Variants in EPHA6 observed in about 807,000 individuals in gnomAD.
EPHA6 encodes the protein EPH receptor A6, also known as ephrin type-A receptor 6.
A neutral mutation model predicts 112.0 loss-of-function variants in EPHA6; 50 were observed. That is an observed-to-expected ratio of 0.45 (90% CI 0.36 to 0.56). EPHA6 has a LOEUF of 0.56. Ranked by LOEUF, EPHA6 falls within the 20% of genes least tolerant of loss-of-function variation. The pLI is 0.00. For synonymous variants in EPHA6, 529 were observed against 490.7 expected (o/e 1.08, Z -1.03); for missense variants, 1,280 against 1,417.4 (o/e 0.90, Z 1.56).
At position 97,363,237 on chromosome 3, in the gene EPHA6, T is replaced by A. The variant is rs779707627; in HGVS notation, c.1607-41913T>A. On this transcript the variant is annotated intron_variant, in intron 5 of 17. Coordinates refer to ENST00000389672, the MANE Select transcript of EPHA6 (RefSeq NM_001080448.3). ...ATATATATATATATATATATATATA[T>A]AAATCTCAGATGCTACAAAAACTAA... Among the ~76,000 whole-genome samples, 18 of 58,014 alleles carry A rather than the reference T, an allele frequency of 3.1e-4. 1 individual carries two copies. Among genetic ancestry groups the A allele is most frequent in the African/African-American group, 7.6e-4 (8 of 10,478 alleles). The allele number at this position is 58,014 out of a possible 152,430, so 38.1% of individuals were successfully genotyped here.
chr3:97,188,896 A>G (rs188473156), intron 3 of EPHA6, among the ~76,000 whole-genome samples: 6 of 152,122 alleles, frequency 3.9e-5, no homozygotes, highest in Admixed American at 3.3e-4. Context: ...AACAGTGGCT[A>G]CTGAAGATGA....
At chr3:97,661,234 A>G (rs927525889) in intron 14 of EPHA6, among the ~76,000 whole-genome samples, 1 of 152,150 alleles carries the variant, frequency 6.6e-6, no homozygotes, top group African/African-American at 2.4e-5. Context: ...TACATTATCA[A>G]GACAATTTCA....
chr3:96,819,872 G>A (rs2033114516), intron 1 of EPHA6, among the ~76,000 whole-genome samples: 1 of 151,942 alleles, frequency 6.6e-6, no homozygotes, highest in South Asian at 2.1e-4. Context: ...ATGATATTTG[G>A]GTAAGTAAAT....
At chr3:96,839,330 A>G (rs1242701152) in intron 1 of EPHA6, among the ~76,000 whole-genome samples, 1 of 152,020 alleles carries the variant, frequency 6.6e-6, no homozygotes, top group African/African-American at 2.4e-5. Flanking sequence ...TGAACTACAC[A>G]TGTGAGGGAT....
At chr3:96,969,315 A>G (rs939523809) in intron 2 of EPHA6, among the ~76,000 whole-genome samples, 2 of 151,900 alleles carry the variant, frequency 1.3e-5, no homozygotes, top group Non-Finnish European at 2.9e-5. Flanking sequence ...CTGGCACCCT[A>G]TAATTTCTAC....
rs367742024 is a variant in EPHA6 at position 97,484,036 on chromosome 3, G to A, written c.2177G>A (p.Arg726His). ...FAKEIDPSRI[R>H]IERVIGAGEF... ...AAGGAGATTGATCCCTCAAGAATTC[G>A]TATTGAGAGAGTCATTGGGGCAGGT... Residue 726 changes from arginine (R) to histidine (H), a missense_variant, in exon 10 of 18, where the codon CGT (arginine) becomes CAT (histidine). Arg to His is a conservative substitution (Grantham distance 29, BLOSUM62 0). Around this residue, in one of 4 missense-constraint regions of EPHA6, gnomAD observed 878 missense variants for 999.7 expected, o/e 0.88. Transcript: ENST00000389672. 2.2e-5 allele frequency: 35 copies of A among 1,606,610 alleles called. No homozygotes were observed. The highest frequency in any genetic ancestry group is 2.2e-5 in the South Asian group (2 of 89,086).
At chr3:96,997,967 T>C (rs1190672266) in intron 3 of EPHA6, among the ~76,000 whole-genome samples, 2 of 152,044 alleles carry the variant, frequency 1.3e-5, no homozygotes, top group Non-Finnish European at 2.9e-5. Context: ...TTTGTCATGA[T>C]TTATAAAATA....
At chr3:97,383,758 A>C (rs2085892777) in intron 5 of EPHA6, among the ~76,000 whole-genome samples, 1 of 152,152 alleles carries the variant, frequency 6.6e-6, no homozygotes, top group Admixed American at 6.6e-5. Flanking sequence ...TAGGAAGTAA[A>C]GTAGAACATT....
At chr3:97,733,860 T>C (rs752969123) in intron 15 of EPHA6, among the ~76,000 whole-genome samples, 2 of 152,068 alleles carry the variant, frequency 1.3e-5, no homozygotes, top group African/African-American at 2.4e-5. Flanking sequence ...GATAGCATGG[T>C]AATCACTACT....
chr3:97,368,125 C>A (rs976365646), intron 5 of EPHA6, among the ~76,000 whole-genome samples: 8 of 152,104 alleles, frequency 5.3e-5, no homozygotes, highest in African/African-American at 1.9e-4. Context: ...GCAAGCCTTT[C>A]CCTAATAATA....
At chr3:97,428,577 T>G (rs2089303906) in intron 6 of EPHA6, among the ~76,000 whole-genome samples, 1 of 152,216 alleles carries the variant, frequency 6.6e-6, no homozygotes, top group Admixed American at 6.5e-5. Context: ...ATGGGCATAT[T>G]AAATGCTCAG....
chr3:97,297,334 A>T (rs13081170), intron 5 of EPHA6, among the ~76,000 whole-genome samples: 6 of 152,134 alleles, frequency 3.9e-5, no homozygotes, highest in South Asian at 2.1e-4. Context: ...TATTTTAAGC[A>T]TGCTTACTTA....
intron 2 of EPHA6, among the ~76,000 whole-genome samples, chr3:96,959,925 T>G (rs947985372): frequency 6.6e-6 from 1 of 151,950 alleles, no homozygotes; most frequent in African/African-American, 2.4e-5. Context: ...GAGAAAAATA[T>G]GAGGGCAAGA....
At chr3:97,585,783 G>A (rs766104043) in intron 11 of EPHA6, among the ~76,000 whole-genome samples, 2 of 150,880 alleles carry the variant, frequency 1.3e-5, no homozygotes, top group African/African-American at 5.0e-5. Context: ...TTGCATCTTT[G>A]GATTAGTTTA....
intron 11 of EPHA6, among the ~76,000 whole-genome samples, chr3:97,533,425 C>T (rs2092717861): frequency 6.6e-6 from 1 of 151,966 alleles, no homozygotes; most frequent in Admixed American, 6.6e-5. Context: ...ACACCTAAGT[C>T]CTTCTCACAA....
intron 14 of EPHA6, among the ~76,000 whole-genome samples, chr3:97,719,522 G>A (rs1410529456): frequency 1.3e-5 from 2 of 152,074 alleles, no homozygotes; most frequent in Non-Finnish European, 2.9e-5. Context: ...TTTATAGAGT[G>A]TTTCAAGAGA....
At chr3:97,240,065 A>C (rs1182119730) in intron 4 of EPHA6, among the ~76,000 whole-genome samples, 1 of 151,732 alleles carries the variant, frequency 6.6e-6, no homozygotes, top group East Asian at 1.9e-4. Context: ...CTAAGATTGG[A>C]GCTCCAGTTT....
At chr3:97,586,724 G>GACA (rs1560164307) in intron 11 of EPHA6, among the ~76,000 whole-genome samples, 7 of 117,178 alleles carry the variant, frequency 6.0e-5, no homozygotes, top group Admixed American at 2.7e-4. Flanking sequence ...ATGGATGGAT[G>GACA]GATAGACAGA....
intron 3 of EPHA6, among the ~76,000 whole-genome samples, chr3:97,102,697 A>G (rs2047439101): frequency 6.6e-6 from 1 of 152,092 alleles, no homozygotes; most frequent in Admixed American, 6.6e-5. Context: ...AGGAATCACC[A>G]TGCTGTTTTC....
Sources: gnomAD v4.1 joint callset for allele counts (sites outside exome capture counted in the v4.1 genomes callset) on GRCh38, gnomAD v4.1.1 for gene constraint, gnomAD v4.1.1 regional missense constraint, MANE v1.5 for transcripts, NCBI Gene and HGNC (gene_info 2026-07-23, HGNC 2026-07-21) for gene names.